The following MAP2K5 variants were observed in gnomAD, a reference collection of about 807,000 sequenced individuals.
MAP2K5 encodes mitogen-activated protein kinase kinase 5, also known as dual specificity mitogen-activated protein kinase kinase 5.
In MAP2K5, 49 loss-of-function variants were observed where a neutral mutation model predicts 83.1. The observed-to-expected ratio is 0.59, with a 90% confidence interval of 0.47 to 0.75. MAP2K5 has a LOEUF of 0.75. Ranked by LOEUF, MAP2K5 falls within the 30% of genes least tolerant of loss-of-function variation. The pLI is 0.00. For synonymous variants in MAP2K5, 202 were observed against 191.8 expected, an observed-to-expected ratio of 1.05 and a Z score of -0.44; for missense variants, 457 against 557.5, an observed-to-expected ratio of 0.82 and a Z score of 1.82.
Position 67,782,285 on chromosome 15 carries a change from C to T in MAP2K5, c.1242+9533C>T, listed in dbSNP as rs77106422. ...GAAATGAGTGTTAAGTATTAGTAATCGGGAGATTAGGGCCCCAGGGACAAT... is the reference window on the plus strand; with the variant it reads ...GAAATGAGTGTTAAGTATTAGTAATTGGGAGATTAGGGCCCCAGGGACAAT... On this transcript the variant is annotated intron_variant, in intron 21 of 21. Transcript: ENST00000178640. This position sits in a 1 kb window ranked among gnomAD's most constrained non-coding sequence, Gnocchi z 4.9. Among the ~76,000 whole-genome samples the T allele has an allele frequency of 6.7e-4, 102 of 152,300 alleles. No individual in the cohort carries two copies. In the East Asian group the frequency reaches 0.013, roughly 19 times the overall value.
intron 2 of MAP2K5, among the ~76,000 whole-genome samples, chr15:67,551,006 A>G (rs1207060598): frequency 6.6e-6 from 1 of 152,148 alleles, no homozygotes; most frequent in East Asian, 1.9e-4. Flanking sequence ...TCCTGACCTC[A>G]AGTGATCCAC....
intron 8 of MAP2K5, among the ~76,000 whole-genome samples, chr15:67,604,312 A>C (rs1348589229): frequency 6.6e-6 from 1 of 152,256 alleles, no homozygotes; most frequent in Admixed American, 6.5e-5. Context: ...GGAAGAAGAA[A>C]AGTTTAGGAA....
intron 3 of MAP2K5, among the ~76,000 whole-genome samples, chr15:67,578,330 C>T (rs904901053): frequency 1.3e-5 from 2 of 152,144 alleles, no homozygotes; most frequent in African/African-American, 2.4e-5. Flanking sequence ...GGGAATGCTC[C>T]GTAGGCAGTA....
chr15:67,694,430 G>A (rs1046456367), intron 15 of MAP2K5, among the ~76,000 whole-genome samples: 1 of 152,040 alleles, frequency 6.6e-6, no homozygotes, highest in Non-Finnish European at 1.5e-5. Flanking sequence ...GGATAAAACC[G>A]TGGGTCTTAG....
intron 11 of MAP2K5, among the ~76,000 whole-genome samples, chr15:67,647,412 A>G (rs1210093630): frequency 6.6e-6 from 1 of 152,170 alleles, no homozygotes; most frequent in African/African-American, 2.4e-5. Flanking sequence ...AACTTTTATC[A>G]TTCTTTCTTT....
Position 67,665,171 on chromosome 15 carries a change from G to A in MAP2K5, c.847+526G>A, listed in dbSNP as rs866491243. Among the ~76,000 whole-genome samples the A allele has an allele frequency of 7.2e-5, 11 of 152,118 alleles. No homozygotes were observed. The highest frequency in any genetic ancestry group is 5.8e-4 in the East Asian group (3 of 5,192). On this transcript the variant is annotated intron_variant, in intron 13 of 21. Coordinates refer to ENST00000178640, the MANE Select transcript of MAP2K5 (RefSeq NM_145160.3). The surrounding 1 kb of genome is among the most constrained non-coding windows in gnomAD (Gnocchi z 4.2). ...TGCTAGGATTCAGGCGGGAGCCACCGCGCCTGGCCAAAAGTAAAACTTTAA... is the reference window on the plus strand; with the variant it reads ...TGCTAGGATTCAGGCGGGAGCCACCACGCCTGGCCAAAAGTAAAACTTTAA...
chr15:67,613,685 C>A (rs1365622916), intron 8 of MAP2K5, among the ~76,000 whole-genome samples: 1 of 151,322 alleles, frequency 6.6e-6, no homozygotes, highest in African/African-American at 2.4e-5. Context: ...GTATTGTGGG[C>A]AGGATTATAG....
In MAP2K5 at chr15:67,805,494, G is replaced by C. The variant is rs140221212; in HGVS notation, c.1243-1152G>C. On this transcript the variant is annotated intron_variant, in intron 21 of 21. Transcript: ENST00000178640. ...TGCGGCTCTTTAAGCAGCCTCTCTA[G>C]GGCTGCAGTCAAGGCTGGGGTGTGC... 1.4e-4 allele frequency among the ~76,000 whole-genome samples: 21 copies of C among 152,344 alleles called. No homozygotes were observed. The South Asian group carries it at 1.7e-3, about 12-fold the overall frequency.
At chr15:67,584,555 T>C (rs2085248422) in intron 4 of MAP2K5, among the ~76,000 whole-genome samples, 1 of 152,166 alleles carries the variant, frequency 6.6e-6, no homozygotes, top group South Asian at 2.1e-4. Context: ...AGTAAAAACA[T>C]TTTGTTATGG....
intron 8 of MAP2K5, among the ~76,000 whole-genome samples, chr15:67,604,261 T>C (rs2085729006): frequency 6.6e-6 from 1 of 152,210 alleles, no homozygotes; most frequent in African/African-American, 2.4e-5. Flanking sequence ...TTGGGCTACA[T>C]GGAACATAAA....
intron 19 of MAP2K5, among the ~76,000 whole-genome samples, chr15:67,767,824 C>T (rs568420829): frequency 1.3e-5 from 2 of 152,256 alleles, no homozygotes; most frequent in East Asian, 3.9e-4. Context: ...TTCATGTCGT[C>T]TCTGTGTAAT....
rs2090295026 is a variant in MAP2K5, at chr15:67,779,611, G to A, written c.1242+6859G>A. ...CTGACAGTTTTAATCTCCCAGTTAA[G>A]CATAGCTTTTTTCCTCCATCAGTCA... On this transcript the variant is annotated intron_variant, in intron 21 of 21. Transcript: ENST00000178640. The surrounding 1 kb of genome is among the most constrained non-coding windows in gnomAD (Gnocchi z 4.6). 6.6e-6 allele frequency among the ~76,000 whole-genome samples: 1 copy of A among 152,224 alleles called. No individual in the cohort carries two copies. Among genetic ancestry groups the A allele is most frequent in the Non-Finnish European group, 1.5e-5 (1 of 68,038 alleles).
intron 17 of MAP2K5, among the ~76,000 whole-genome samples, chr15:67,733,344 G>A (rs1458907745): frequency 2.6e-5 from 4 of 152,086 alleles, no homozygotes; most frequent in Admixed American, 6.5e-5. Context: ...TTCTTGTAAC[G>A]ATCCAGTTTA....
chr15:67,545,092 C>T (rs546657346), intron 1 of MAP2K5, among the ~76,000 whole-genome samples: 21 of 152,158 alleles, frequency 1.4e-4, no homozygotes, highest in Non-Finnish European at 2.4e-4. Flanking sequence ...TTCATTTCTC[C>T]CAGGTGTCCA....
Position 67,777,167 on chromosome 15 carries a change from G to A in MAP2K5, c.1242+4415G>A, listed in dbSNP as rs190065739. ...GGGAGAGTGCTTGCTTGAGGGTGGG[G>A]TGGGGTGCTTTCTATGGGGTTCAGC... On this transcript the variant is annotated intron_variant, in intron 21 of 21. Coordinates refer to ENST00000178640, the MANE Select transcript of MAP2K5 (RefSeq NM_145160.3). This position sits in a 1 kb window ranked among gnomAD's most constrained non-coding sequence, Gnocchi z 6.0. 6.6e-6 allele frequency among the ~76,000 whole-genome samples: 1 copy of A among 152,092 alleles called. No individual in the cohort carries two copies. The highest frequency in any genetic ancestry group is 1.5e-5 in the Non-Finnish European group (1 of 68,002).
chr15:67,739,523 C>G (rs2089445018), intron 17 of MAP2K5, among the ~76,000 whole-genome samples: 1 of 114,510 alleles, frequency 8.7e-6, no homozygotes, highest in South Asian at 3.4e-4. Context: ...CTCTGTTGCC[C>G]AGGCTGGAGT....
chr15:67,557,420 C>A (rs1019607705), intron 2 of MAP2K5, among the ~76,000 whole-genome samples: 2 of 152,202 alleles, frequency 1.3e-5, no homozygotes, highest in Non-Finnish European at 2.9e-5. Flanking sequence ...AGTATCTTCA[C>A]ACTTGTCAAA....
In MAP2K5 at chr15:67,750,511, G is replaced by A. The variant is rs540260111; in HGVS notation, c.1134+1910G>A. Reference sequence around the variant, plus strand: ...AGAGTTCTCATTGCTGTGATGCAGTGTTCCTCATAGGGTGGACCAAGGACT... The same window carrying A: ...AGAGTTCTCATTGCTGTGATGCAGTATTCCTCATAGGGTGGACCAAGGACT... On this transcript the variant is annotated intron_variant, in intron 19 of 21. Transcript: ENST00000178640. The surrounding 1 kb of genome is among the most constrained non-coding windows in gnomAD (Gnocchi z 4.2). Among the ~76,000 whole-genome samples, 17 of 152,310 alleles carry A rather than the reference G, an allele frequency of 1.1e-4. No homozygotes were observed. The highest frequency in any genetic ancestry group is 3.8e-4 in the African/African-American group (16 of 41,572).
intron 19 of MAP2K5, among the ~76,000 whole-genome samples, chr15:67,763,623 T>G (rs932906930): frequency 6.6e-6 from 1 of 151,900 alleles, no homozygotes; most frequent in African/African-American, 2.4e-5. Context: ...AGGGTCCAGT[T>G]TTTTTTCATT....
Sources: gnomAD v4.1 joint callset for allele counts (sites outside exome capture counted in the v4.1 genomes callset) on GRCh38, gnomAD v4.1.1 for gene constraint, Gnocchi (gnomAD v3.1) non-coding constraint, MANE v1.5 for transcripts, NCBI Gene and HGNC (gene_info 2026-07-23, HGNC 2026-07-21) for gene names.